The following EPHA3 variants were observed in gnomAD, a reference collection of about 807,000 sequenced individuals.
EPHA3 encodes EPH receptor A3.
A neutral mutation model predicts 107.1 loss-of-function variants in EPHA3; 42 were observed. The observed-to-expected ratio is 0.39, with a 90% CI of 0.31 to 0.51. EPHA3 has a LOEUF of 0.51. Ranked by LOEUF, EPHA3 falls within the 20% of genes least tolerant of loss-of-function variation. The pLI is 0.78. For missense variants in EPHA3, 1,183 were observed against 1,211.2 expected (o/e 0.98, Z 0.35); for synonymous variants, 461 against 424.8 (o/e 1.09, Z -1.05).
At chr3:89,306,895 A>G (rs1214819825) in intron 3 of EPHA3, among the ~76,000 whole-genome samples, 1 of 152,192 alleles carries the variant, frequency 6.6e-6, no homozygotes, top group East Asian at 1.9e-4. Context: ...AGCACCTTTC[A>G]TGGTTTCTTT....
intron 3 of EPHA3, among the ~76,000 whole-genome samples, chr3:89,337,596 C>T (rs1707423277): frequency 6.6e-6 from 1 of 152,196 alleles, no homozygotes; most frequent in African/African-American, 2.4e-5. Flanking sequence ...GTGGTTAAAG[C>T]CTATCAGCTA....
chr3:89,326,983 A>T (rs113563356), intron 3 of EPHA3, among the ~76,000 whole-genome samples: 76 of 152,214 alleles, frequency 5.0e-4, no homozygotes, highest in African/African-American at 1.7e-3. Flanking sequence ...ATTGCTGTGG[A>T]GAGATGAAAG....
At chr3:89,243,464 G>A (rs1158145739) in intron 3 of EPHA3, among the ~76,000 whole-genome samples, 1 of 152,064 alleles carries the variant, frequency 6.6e-6, no homozygotes, top group African/African-American at 2.4e-5. Flanking sequence ...GTGTGAGATG[G>A]TATCTCATTG....
chr3:89,314,709 T>A (rs1423732540), intron 3 of EPHA3, among the ~76,000 whole-genome samples: 1 of 151,988 alleles, frequency 6.6e-6, no homozygotes, highest in Non-Finnish European at 1.5e-5. Context: ...CCATAAAGCC[T>A]GGCTAAAATC....
In EPHA3 at chr3:89,340,922, G is replaced by A. The variant is rs765502894; in HGVS notation, c.821G>A (p.Arg274Gln). Residue 274 changes from arginine to glutamine, a missense_variant, in exon 4 of 17, where the codon CGA becomes CAA. By Grantham distance (43) the Arg-to-Gln change is conservative. Coordinates refer to ENST00000336596, the MANE Select transcript of EPHA3 (RefSeq NM_005233.6). ...AGAGTCATTTTGTTTGTAGCTTGTC[G>A]ACCAGGTTTCTACAAGGCATTGGAT... ...EERGFMCQAC[R>Q]PGFYKALDGN... The A allele has an allele frequency of 2.4e-5, 38 of 1,599,876 alleles. 1 individual carries two copies. The highest frequency in any genetic ancestry group is 9.1e-5 in the South Asian group (8 of 88,234).
At chr3:89,152,021 G>T (rs1372288965) in intron 2 of EPHA3, among the ~76,000 whole-genome samples, 1 of 151,892 alleles carries the variant, frequency 6.6e-6, no homozygotes, top group Non-Finnish European at 1.5e-5. Context: ...AATATTGTTT[G>T]GTAGAAATGT....
intron 2 of EPHA3, among the ~76,000 whole-genome samples, chr3:89,174,391 TA>T (rs1705275933): frequency 6.6e-6 from 1 of 152,030 alleles, no homozygotes; most frequent in Non-Finnish European, 1.5e-5. Context: ...AGTATTTCAT[TA>T]TTGTTTTTAT....
At chr3:89,425,587 T>C (rs549749001) in intron 11 of EPHA3, among the ~76,000 whole-genome samples, 16 of 151,640 alleles carry the variant, frequency 1.1e-4, no homozygotes, top group Admixed American at 9.9e-4. Flanking sequence ...CATTTGAAAT[T>C]ATTAAATGTA....
intron 3 of EPHA3, among the ~76,000 whole-genome samples, chr3:89,211,741 TCCTTCTTCTTCTTCTTCTTC>T (rs1198563178): frequency 3.1e-4 from 3 of 9,770 alleles, no homozygotes; most frequent in Non-Finnish European, 8.2e-4. Context: ...CTTCTTCTTC[TCCTTCTTCTTCTTCTTCTTC>T]TTCTTCTTCT....
At chr3:89,353,279 C>T (rs570401938) in intron 5 of EPHA3, among the ~76,000 whole-genome samples, 1 of 151,384 alleles carries the variant, frequency 6.6e-6, no homozygotes, top group African/African-American at 2.4e-5. Flanking sequence ...TGAATTCTTT[C>T]AGAACATGAA....
rs3058708 is a variant in EPHA3 at position 89,241,475 on chromosome 3, AATG to A, written c.814+30958_814+30960del. 1.9e-3 allele frequency among the ~76,000 whole-genome samples: 295 copies of A among 152,296 alleles called. 5 individuals carry two copies. In the East Asian group the frequency reaches 0.045, roughly 23 times the overall value. ...TATTACATCTACTAACAACGCCAATAATGATAACATTTCTACTATTGTGTATAT... is the reference window on the plus strand; with the variant it reads ...TATTACATCTACTAACAACGCCAATAATAACATTTCTACTATTGTGTATAT... On this transcript the variant is annotated intron_variant, in intron 3 of 16. Transcript: ENST00000336596.
At chr3:89,265,852 T>A (rs1345434041) in intron 3 of EPHA3, among the ~76,000 whole-genome samples, 2 of 152,132 alleles carry the variant, frequency 1.3e-5, no homozygotes, top group African/African-American at 2.4e-5. Context: ...TTCCTCCATG[T>A]CAAGTTTCTC....
intron 16 of EPHA3, among the ~76,000 whole-genome samples, chr3:89,476,991 GAA>G (rs1219780342): frequency 6.6e-6 from 1 of 152,132 alleles, no homozygotes; most frequent in Non-Finnish European, 1.5e-5. Context: ...AAAGAAAAAA[GAA>G]AGAGTGAGAA....
chr3:89,367,951 G>T (rs1327307688), intron 5 of EPHA3, among the ~76,000 whole-genome samples: 1 of 150,524 alleles, frequency 6.6e-6, no homozygotes, highest in Non-Finnish European at 1.5e-5. Flanking sequence ...TACTTCATAT[G>T]CATTTAATCT....
Position 89,256,383 on chromosome 3 carries a change from C to A in EPHA3, c.814+45863C>A, listed in dbSNP as rs189279475. ...ACAAGGAGTTCGAGACCAGCCTGGC[C>A]AACATGGTGAAACCCTGTCTCTACT... On this transcript the variant is annotated intron_variant, in intron 3 of 16. Coordinates refer to ENST00000336596, the MANE Select transcript of EPHA3 (RefSeq NM_005233.6). Among the ~76,000 whole-genome samples, 1,398 of 151,666 alleles carry A rather than the reference C, an allele frequency of 9.2e-3. 25 individuals carry two copies. The highest frequency in any genetic ancestry group is 0.032 in the African/African-American group (1,337 of 41,360).
At chr3:89,242,627 T>C (rs1559615907) in intron 3 of EPHA3, among the ~76,000 whole-genome samples, 1 of 151,908 alleles carries the variant, frequency 6.6e-6, no homozygotes, top group African/African-American at 2.4e-5. Context: ...TTAGTAGAGA[T>C]GGGGTTTCAC....
chr3:89,453,302 T>C (rs1458800984), intron 15 of EPHA3, among the ~76,000 whole-genome samples: 5 of 152,150 alleles, frequency 3.3e-5, no homozygotes, highest in African/African-American at 1.2e-4. Context: ...GGGTATCTAA[T>C]ACCAGTTTCA....
chr3:89,357,740 A>G lies in EPHA3; in HGVS notation c.1306+15650A>G, dbSNP rs1576333932. Among the ~76,000 whole-genome samples, 6 of 151,412 alleles carry G rather than the reference A, an allele frequency of 4.0e-5. No homozygotes were observed. In the South Asian group the frequency reaches 1.0e-3, roughly 26 times the overall value. ...TCTGGGATACATTGCCTACTGTTCCATTAACTCCCAGTTAAAATAAAACAA... is the reference window on the plus strand; with the variant it reads ...TCTGGGATACATTGCCTACTGTTCCGTTAACTCCCAGTTAAAATAAAACAA... On this transcript the variant is annotated intron_variant, in intron 5 of 16. Coordinates refer to ENST00000336596, the MANE Select transcript of EPHA3 (RefSeq NM_005233.6).
chr3:89,113,485 C>CAACAAAAAAAA (rs1707167104), intron 1 of EPHA3, among the ~76,000 whole-genome samples: 1 of 31,086 alleles, frequency 3.2e-5, no homozygotes, highest in Non-Finnish European at 6.2e-5. Context: ...TTCCTTTGTA[C>CAACAAAAAAAA]AAAAAAAAAA....
Sources: allele counts gnomAD v4.1 joint callset (sites outside exome capture counted in the v4.1 genomes callset), GRCh38; gene constraint gnomAD v4.1.1; transcripts MANE v1.5; gene names NCBI Gene and HGNC (gene_info 2026-07-23, HGNC 2026-07-21).